The following TRAPPC12 variants were observed in gnomAD, a reference collection of about 807,000 sequenced individuals.
The protein encoded by TRAPPC12 is TPR repeat protein 15.
Under a neutral mutation model 69.2 loss-of-function variants are expected in TRAPPC12, and 61 were observed. The observed-to-expected ratio is 0.88, with a 90% CI of 0.72 to 1.09. The LOEUF is 1.09. TRAPPC12 is among the 50% of genes least tolerant of loss of function. The probability of loss-of-function intolerance (pLI) is 0.00; values close to 1 mark genes in which losing one functional copy is unlikely to be tolerated. For synonymous variants in TRAPPC12, 469 were observed against 438.9 expected, an observed-to-expected ratio of 1.07 and a Z score of -0.86; for missense variants, 1,101 against 1,016.4, an observed-to-expected ratio of 1.08 and a Z score of -1.13.
At chr2:3,470,423 G>A (rs557609554) in intron 9 of TRAPPC12, among the ~76,000 whole-genome samples, 19 of 152,366 alleles carry the variant, frequency 1.2e-4, no homozygotes, top group African/African-American at 2.4e-4. Context: ...CGTGCTGTCC[G>A]CCCTGTTCCT....
At chr2:3,462,745 G>A (rs1232694132) in intron 8 of TRAPPC12, 3 of 354,450 alleles carry the variant, frequency 8.5e-6, no homozygotes, top group Non-Finnish European at 1.7e-5. Context: ...GTAGCCTTAG[G>A]GCACCTGCAC....
chr2:3,447,206 C>T (rs1037437522), intron 6 of TRAPPC12, among the ~76,000 whole-genome samples: 3 of 152,100 alleles, frequency 2.0e-5, no homozygotes, highest in Middle Eastern at 3.4e-3. Context: ...TCAAGCGATT[C>T]TCCTGCCTTG....
chr2:3,429,811 GTTTA>G (rs993599923), intron 5 of TRAPPC12, among the ~76,000 whole-genome samples: 38 of 152,224 alleles, frequency 2.5e-4, no homozygotes, highest in African/African-American at 8.9e-4. Flanking sequence ...AAAAATTGAT[GTTTA>G]TTTAAATACA....
At chr2:3,389,322 G>A (rs1006369239) in intron 2 of TRAPPC12, among the ~76,000 whole-genome samples, 15 of 152,230 alleles carry the variant, frequency 9.9e-5, no homozygotes, top group Middle Eastern at 3.2e-3. Context: ...CCGTGGCCTC[G>A]GTGACTGTGC....
In TRAPPC12 at chr2:3,460,103, A is replaced by G. The variant is rs563388340; in HGVS notation, c.1604-160A>G. On this transcript the variant is annotated intron_variant, in intron 7 of 11. Coordinates refer to ENST00000324266, the MANE Select transcript of TRAPPC12 (RefSeq NM_016030.6). ...ATGCGAGTGCTGTATTTTCTGCCTC[A>G]GTGCAGCCTGCAGCATATTCAGCAT... is the stretch of plus-strand genomic sequence containing the variant. The G allele has an allele frequency of 3.7e-5, 26 of 708,800 alleles. 1 individual carries two copies. The South Asian group carries it at 4.0e-4, about 11-fold the overall frequency. The allele number at this position is 708,800 out of a possible 1,614,324, so 43.9% of individuals were successfully genotyped here. A position where few individuals can be genotyped will look rare whatever the true frequency, so the allele number is the denominator to read the frequency against.
intron 5 of TRAPPC12, among the ~76,000 whole-genome samples, chr2:3,440,297 A>G (rs1664128042): frequency 6.6e-6 from 1 of 152,226 alleles, no homozygotes; most frequent in African/African-American, 2.4e-5. Flanking sequence ...CTGATATTTT[A>G]GCAGTATTGT....
chr2:3,388,813 CTG>C (rs1274455619), intron 2 of TRAPPC12, 143 bp downstream of exon 2: 5 of 837,588 alleles, frequency 6.0e-6, no homozygotes, highest in African/African-American at 5.2e-5. Context: ...CTGTGTTCCT[CTG>C]TCCCTGGGTA....
At chr2:3,442,656 T>A (rs939916431) in intron 5 of TRAPPC12, among the ~76,000 whole-genome samples, 4 of 152,228 alleles carry the variant, frequency 2.6e-5, no homozygotes, top group Non-Finnish European at 5.9e-5. Flanking sequence ...CTGTTTTCCA[T>A]AGTGTTCCTT....
intron 6 of TRAPPC12, among the ~76,000 whole-genome samples, chr2:3,446,702 T>C (rs1453152522): frequency 6.6e-6 from 1 of 152,258 alleles, no homozygotes; most frequent in Non-Finnish European, 1.5e-5. Flanking sequence ...GTCTCCACGC[T>C]GTCCAGAACA....
intron 8 of TRAPPC12, among the ~76,000 whole-genome samples, chr2:3,465,377 G>C (rs531042562): frequency 1.4e-3 from 216 of 152,262 alleles, no homozygotes; most frequent in Admixed American, 5.7e-3. Context: ...CCCCGCCGTT[G>C]CGATGCGCAC....
chr2:3,439,411 A>C (rs1340080209), intron 5 of TRAPPC12, among the ~76,000 whole-genome samples: 2 of 151,980 alleles, frequency 1.3e-5, no homozygotes, highest in Non-Finnish European at 2.9e-5. Flanking sequence ...TTCCCACCTC[A>C]ACCAATGGAG....
intron 8 of TRAPPC12, 57 bp from the exon 9 acceptor site, chr2:3,465,540 G>T: frequency 8.1e-7 from 1 of 1,232,100 alleles, no homozygotes; most frequent in Non-Finnish European, 1.2e-6. Context: ...TTCTACACGT[G>T]TGAAACCCAC....
At position 3,423,306 on chromosome 2, in the gene TRAPPC12, A is replaced by C. The variant is rs1171256421; in HGVS notation, c.1279-1219A>C. On this transcript the variant is annotated intron_variant, in intron 4 of 11. Transcript: ENST00000324266. ...GGTTAAATCAAGCTAAATCGCATGC[A>C]TTGCCTCGCATGCCTTTGTGTGTGT... Among the ~76,000 whole-genome samples the C allele has an allele frequency of 6.2e-5, 9 of 146,008 alleles. No homozygotes were observed. The Admixed American group carries it at 6.2e-4, about 10-fold the overall frequency.
At chr2:3,388,872 C>T in intron 2 of TRAPPC12, 1 of 527,866 alleles carries the variant, frequency 1.9e-6, no homozygotes, top group East Asian at 3.2e-5. Flanking sequence ...TAATGGACTG[C>T]TACTCAGAGA....
intron 2 of TRAPPC12, among the ~76,000 whole-genome samples, chr2:3,399,624 G>C (rs1446185966): frequency 6.6e-6 from 1 of 152,148 alleles, no homozygotes; most frequent in Non-Finnish European, 1.5e-5. Context: ...GCAGGCTGTT[G>C]ATCTCTCCTG....
intron 4 of TRAPPC12, among the ~76,000 whole-genome samples, chr2:3,423,043 C>T (rs1365519275): frequency 4.6e-5 from 7 of 152,206 alleles, no homozygotes; most frequent in South Asian, 2.1e-4. Flanking sequence ...GCTTCTGGGC[C>T]GTAGTGCACT....
At chr2:3,419,915 C>G (rs1372964166) in intron 3 of TRAPPC12, among the ~76,000 whole-genome samples, 1 of 152,216 alleles carries the variant, frequency 6.6e-6, no homozygotes, top group Non-Finnish European at 1.5e-5. Flanking sequence ...CTAGGGAAGG[C>G]AAGATGGCAC....
At position 3,457,694 on chromosome 2, in the gene TRAPPC12, G is replaced by C. The variant is rs1458301330; in HGVS notation, c.1603+1G>C. 6.2e-7 allele frequency: 1 copy of C among 1,609,798 alleles called. No individual in the cohort carries two copies. The highest frequency in any genetic ancestry group is 8.5e-7 in the Non-Finnish European group (1 of 1,179,950). ...AGCGTGACTCAGGAGGGCAGACAAGGTGGGTCGGCCGGACTTTGCTGACTA... is the reference window on the plus strand; with the variant it reads ...AGCGTGACTCAGGAGGGCAGACAAGCTGGGTCGGCCGGACTTTGCTGACTA... On this transcript the variant is annotated splice_donor_variant, in intron 7 of 11. Transcript: ENST00000324266. LOFTEE classifies it high-confidence loss of function.
At chr2:3,399,080 T>C (rs1661280211) in intron 2 of TRAPPC12, among the ~76,000 whole-genome samples, 1 of 152,266 alleles carries the variant, frequency 6.6e-6, no homozygotes, top group African/African-American at 2.4e-5. Flanking sequence ...AGGTTTGTCC[T>C]AAGACGCTTG....
Sources: gnomAD v4.1 joint callset for allele counts (sites outside exome capture counted in the v4.1 genomes callset) on GRCh38, gnomAD v4.1.1 for gene constraint, MANE v1.5 for transcripts, NCBI Gene and HGNC (gene_info 2026-07-23, HGNC 2026-07-21) for gene names.